The following VEPH1 variants were observed in gnomAD, a reference collection of about 807,000 sequenced individuals.
The protein encoded by VEPH1 is ventricular zone-expressed PH domain-containing protein homolog 1.
In VEPH1, 80 loss-of-function variants were observed where a neutral mutation model predicts 85.2. The ratio of observed to expected loss-of-function variants is 0.94; its 90% CI spans 0.78 to 1.13. The LOEUF (loss-of-function observed/expected upper bound fraction) is 1.13. Ranked by LOEUF, VEPH1 falls within the 50% of genes most tolerant of loss-of-function variation. VEPH1 has a pLI of 0.00. For missense variants in VEPH1, 955 were observed against 980.5 expected (o/e 0.97, Z 0.35); for synonymous variants, 297 against 348.0 (o/e 0.85, Z 1.63).
chr3:157,475,766 G>GACCT (rs1287155870), intron 2 of VEPH1, among the ~76,000 whole-genome samples: 2 of 152,182 alleles, frequency 1.3e-5, no homozygotes, highest in East Asian at 3.8e-4. Flanking sequence ...CTTATGTATA[G>GACCT]ACCTACTCAG....
At chr3:157,386,313 T>C (rs1729297852) in intron 6 of VEPH1, among the ~76,000 whole-genome samples, 1 of 149,242 alleles carries the variant, frequency 6.7e-6, no homozygotes, top group Non-Finnish European at 1.5e-5. Flanking sequence ...CACAAGGTTT[T>C]TTTTTCTTAA....
In VEPH1 at chr3:157,463,644, T is replaced by G. The variant is rs114991014; in HGVS notation, c.355-3289A>C. 3.5e-3 allele frequency among the ~76,000 whole-genome samples: 528 copies of G among 152,284 alleles called. 3 individuals are homozygous for G. Among genetic ancestry groups the G allele is most frequent in the African/African-American group, 0.012 (508 of 41,566 alleles). ...CAGCTTTAGAAGTCAGGGCACGTGC[T>G]TGGTTGGAACACACAAAATTGTTTG... On this transcript the variant is annotated intron_variant, in intron 3 of 13. Coordinates refer to ENST00000362010, the MANE Select transcript of VEPH1 (RefSeq NM_001167912.2).
chr3:157,276,561 AAAACC>A (rs1458554223), intron 12 of VEPH1, among the ~76,000 whole-genome samples: 3 of 152,250 alleles, frequency 2.0e-5, no homozygotes, highest in African/African-American at 7.2e-5. Context: ...GTAAAACTGC[AAAACC>A]AATTGTAGGG....
At chr3:157,323,737 T>C (rs968935189) in intron 9 of VEPH1, among the ~76,000 whole-genome samples, 1 of 152,222 alleles carries the variant, frequency 6.6e-6, no homozygotes, top group Non-Finnish European at 1.5e-5. Flanking sequence ...TTGGTAATTA[T>C]ATATTCAGAA....
chr3:157,382,804 T>C (rs1274780720), intron 6 of VEPH1, among the ~76,000 whole-genome samples: 1 of 152,164 alleles, frequency 6.6e-6, no homozygotes, highest in Non-Finnish European at 1.5e-5. Flanking sequence ...TACTGCATTA[T>C]AGACTCTTTA....
intron 2 of VEPH1, among the ~76,000 whole-genome samples, chr3:157,491,765 A>C (rs1203007771): frequency 6.6e-6 from 1 of 152,198 alleles, no homozygotes; most frequent in Non-Finnish European, 1.5e-5. Context: ...TGCAATGTTG[A>C]AAATGTGGCA....
At chr3:157,349,738 GAA>G (rs34927854) in intron 9 of VEPH1, among the ~76,000 whole-genome samples, 3 of 151,980 alleles carry the variant, frequency 2.0e-5, no homozygotes, top group African/African-American at 7.3e-5. Flanking sequence ...TGAATTAGCT[GAA>G]AAAGAAATCA....
At chr3:157,341,190 G>C (rs1339628121) in intron 9 of VEPH1, among the ~76,000 whole-genome samples, 3 of 152,234 alleles carry the variant, frequency 2.0e-5, no homozygotes. Context: ...ACTTTGACGA[G>C]TTGAGAGAAG....
chr3:157,501,426 A>G (rs1422968452), intron 1 of VEPH1, among the ~76,000 whole-genome samples: 1 of 152,206 alleles, frequency 6.6e-6, no homozygotes, highest in East Asian at 1.9e-4. Context: ...TGGGTAATCC[A>G]AACACCTGAG....
intron 2 of VEPH1, among the ~76,000 whole-genome samples, chr3:157,480,276 CACTT>C (rs200369745): frequency 0.011 from 1,667 of 152,014 alleles, 39 homozygotes; most frequent in African/African-American, 0.039. Context: ...ATTTATCTCT[CACTT>C]TCTTTTTAAA....
At chr3:157,435,414 A>C (rs1733485820) in intron 4 of VEPH1, among the ~76,000 whole-genome samples, 1 of 152,146 alleles carries the variant, frequency 6.6e-6, no homozygotes. Flanking sequence ...AATTTCACAA[A>C]CTCAAAGGGA....
At chr3:157,440,408 G>T (rs1055368785) in intron 4 of VEPH1, among the ~76,000 whole-genome samples, 2 of 152,092 alleles carry the variant, frequency 1.3e-5, no homozygotes, top group Non-Finnish European at 2.9e-5. Flanking sequence ...GTAGGAATCT[G>T]ACATAGTTTA....
intron 12 of VEPH1, among the ~76,000 whole-genome samples, chr3:157,274,690 G>A (rs891038913): frequency 1.4e-4 from 21 of 152,022 alleles, no homozygotes; most frequent in Non-Finnish European, 2.2e-4. Context: ...TGTAGAGATG[G>A]GGTCTTACCA....
intron 6 of VEPH1, among the ~76,000 whole-genome samples, chr3:157,391,590 G>T (rs1437914989): frequency 1.3e-5 from 2 of 152,182 alleles, no homozygotes; most frequent in African/African-American, 4.8e-5. Flanking sequence ...GGAAATATGG[G>T]ATTATGTAAA....
At position 157,261,208 on chromosome 3, in the gene VEPH1, A is replaced by T. The variant is rs1197620355; in HGVS notation, c.2428T>A (p.Trp810Arg). Residue 810 changes from tryptophan (W) to arginine (R), a missense_variant, in exon 14 of 14, where the codon TGG becomes AGG. Trp to Arg is a moderately radical substitution (Grantham distance 101, BLOSUM62 -3). Coordinates refer to ENST00000362010, the MANE Select transcript of VEPH1 (RefSeq NM_001167912.2). ...KAKDEKNAEE[W>R]LQCINVAVAQ... ...ACTGCCACGTTGATGCACTGGAGCC[A>T]TTCTTCTGCATTCTTCTCATCCTTG... is the stretch of plus-strand genomic sequence containing the variant. The T allele has an allele frequency of 6.2e-7, 1 of 1,613,848 alleles. No individual in the cohort carries two copies. Among genetic ancestry groups the T allele is most frequent in the East Asian group, 2.2e-5 (1 of 44,862 alleles).
At chr3:157,326,058 A>G (rs558798217) in intron 9 of VEPH1, among the ~76,000 whole-genome samples, 11 of 152,084 alleles carry the variant, frequency 7.2e-5, no homozygotes, top group Admixed American at 3.3e-4. Flanking sequence ...TTCCCTTGCT[A>G]GCTGTATTCC....
intron 4 of VEPH1, chr3:157,459,860 A>G: frequency 6.5e-7 from 1 of 1,537,088 alleles, no homozygotes; most frequent in Non-Finnish European, 8.7e-7. Context: ...CTCAGTACAC[A>G]GAGATAAGAT....
At chr3:157,436,847 C>G (rs1184213267) in intron 4 of VEPH1, 3 of 1,449,080 alleles carry the variant, frequency 2.1e-6, no homozygotes, top group Non-Finnish European at 2.8e-6. Context: ...GCTCCAGCCT[C>G]TCACTCTCAC....
At chr3:157,345,948 G>A (rs1413826447) in intron 9 of VEPH1, among the ~76,000 whole-genome samples, 7 of 151,364 alleles carry the variant, frequency 4.6e-5, no homozygotes, top group East Asian at 3.9e-4. Flanking sequence ...CAAACACTGC[G>A]TGTTCTCACT....
Sources: allele counts gnomAD v4.1 joint callset (sites outside exome capture counted in the v4.1 genomes callset), GRCh38; gene constraint gnomAD v4.1.1; transcripts MANE v1.5; gene names NCBI Gene and HGNC (gene_info 2026-07-23, HGNC 2026-07-21).